Variants in TMEM39A observed in about 807,000 individuals in gnomAD.
TMEM39A encodes transmembrane protein 39A, also known as suppressor of SQST-1 aggregates in rpl-43 mutants.
Under a neutral mutation model 51.9 loss-of-function variants are expected in TMEM39A, and 19 were observed. That is an observed-to-expected ratio of 0.37 (90% CI 0.26 to 0.54). The LOEUF (loss-of-function observed/expected upper bound fraction) is 0.54, where lower values mean the gene tolerates loss of function less well. Ranked by LOEUF, TMEM39A falls within the 20% of genes least tolerant of loss-of-function variation. The pLI is 0.88. For missense variants in TMEM39A, 433 were observed against 590.5 expected, an observed-to-expected ratio of 0.73 and a Z score of 2.76; for synonymous variants, 197 against 220.2, an observed-to-expected ratio of 0.89 and a Z score of 0.93.
At chr3:119,436,516 GA>G in intron 7 of TMEM39A, 1 of 302,048 alleles carries the variant, frequency 3.3e-6, no homozygotes, top group Non-Finnish European at 6.2e-6. Flanking sequence ...GGGTAAGATT[GA>G]AAGAGAACGC....
rs968601490 is a variant in TMEM39A, at chr3:119,463,266, C to T, written c.-75+70G>A. On this transcript the variant is annotated intron_variant, in intron 1 of 8. Transcript: ENST00000319172. Reference sequence around the variant, plus strand: ...GCAGAAAGGTAGACAAAGCAGTCTCCGCCGCACACCCAAGAGGGCCGAGGC... The same window carrying T: ...GCAGAAAGGTAGACAAAGCAGTCTCTGCCGCACACCCAAGAGGGCCGAGGC... 11 of 271,856 alleles carry T rather than the reference C, an allele frequency of 4.0e-5. No individual in the cohort carries two copies. The East Asian group carries it at 5.8e-4, about 14-fold the overall frequency. 16.8% of individuals were successfully genotyped at this position (271,856 alleles called of 1,614,324 possible). A position where few individuals can be genotyped will look rare whatever the true frequency, so the allele number is the denominator to read the frequency against.
At chr3:119,454,333 CCTCT>C (rs1560019115) in intron 3 of TMEM39A, among the ~76,000 whole-genome samples, 2 of 152,060 alleles carry the variant, frequency 1.3e-5, no homozygotes, top group Admixed American at 6.5e-5. Flanking sequence ...TCCTTTTCTC[CCTCT>C]CTAAGTATAA....
At position 119,463,589 on chromosome 3, in the gene TMEM39A, T is replaced by G. The variant is rs1390352695; in HGVS notation, c.-328A>C. ...CCAGAGCCTGATACTTCAGCACCCA[T>G]CCCTAGCCTCCATTACCGCGGAGCT... On this transcript the variant is annotated 5_prime_UTR_variant, in exon 1 of 9. An upstream start codon of the reference 5' UTR is lost. Transcript: ENST00000319172. The G allele has an allele frequency of 2.5e-6, 1 of 398,714 alleles. No homozygotes were observed. Among genetic ancestry groups the G allele is most frequent in the East Asian group, 3.6e-5 (1 of 28,072 alleles). The allele number at this position is 398,714 out of a possible 1,614,324, so 24.7% of individuals were successfully genotyped here. A position where few individuals can be genotyped will look rare whatever the true frequency, so the allele number is the denominator to read the frequency against.
At chr3:119,453,091 G>A (rs778812102) in intron 3 of TMEM39A, among the ~76,000 whole-genome samples, 32 of 152,250 alleles carry the variant, frequency 2.1e-4, no homozygotes, top group Non-Finnish European at 3.5e-4. Flanking sequence ...GCTGTCTACA[G>A]TTCCTTCTAG....
At chr3:119,452,852 T>C (rs1241234196) in intron 3 of TMEM39A, among the ~76,000 whole-genome samples, 2 of 152,214 alleles carry the variant, frequency 1.3e-5, no homozygotes, top group African/African-American at 4.8e-5. Flanking sequence ...GCAAGAATAA[T>C]TTATATAAAA....
At chr3:119,456,241 G>A (rs1339403463) in intron 3 of TMEM39A, among the ~76,000 whole-genome samples, 2 of 151,942 alleles carry the variant, frequency 1.3e-5, no homozygotes, top group Non-Finnish European at 2.9e-5. Flanking sequence ...GGCCAAAAAG[G>A]ATGAATGAAG....
intron 5 of TMEM39A, among the ~76,000 whole-genome samples, chr3:119,440,057 C>T (rs184423851): frequency 9.0e-4 from 137 of 152,158 alleles, no homozygotes; most frequent in African/African-American, 3.2e-3. Flanking sequence ...TGTAAGCCAC[C>T]GCACCCAGAC....
At position 119,462,590 on chromosome 3, in the gene TMEM39A, A is replaced by G. The variant is rs958836812; in HGVS notation, c.-74-442T>C. Among the ~76,000 whole-genome samples the G allele has an allele frequency of 5.0e-5, 6 of 118,862 alleles. No individual in the cohort carries two copies. The East Asian group carries it at 1.6e-3, about 32-fold the overall frequency. The allele number at this position is 118,862 out of a possible 152,430, so 78.0% of individuals were successfully genotyped here. On this transcript the variant is annotated intron_variant, in intron 1 of 8. Transcript: ENST00000319172. ...TCACATATTATCTGACCTTATCCGG[A>G]TAAGTTAACTTCTGAGTGTGTTCTT...
chr3:119,437,074 C>T, intron 6 of TMEM39A, 96 bp from the exon 7 acceptor site: 2 of 1,131,032 alleles, frequency 1.8e-6, no homozygotes, highest in Non-Finnish European at 2.5e-6. Context: ...AAATGCCACA[C>T]TGAGTCACAC....
At chr3:119,433,741 T>C (rs1267491763) in intron 8 of TMEM39A, among the ~76,000 whole-genome samples, 1 of 152,198 alleles carries the variant, frequency 6.6e-6, no homozygotes, top group Admixed American at 6.5e-5. Context: ...TCCTCCACCT[T>C]AAGGCATTTC....
chr3:119,460,625 G>A (rs1285364230), intron 2 of TMEM39A, among the ~76,000 whole-genome samples: 2 of 152,130 alleles, frequency 1.3e-5, no homozygotes, highest in Non-Finnish European at 1.5e-5. Context: ...AGACACTGAA[G>A]AGGGATTTCA....
Position 119,437,854 on chromosome 3 carries a change from T to C in TMEM39A, c.825A>G (p.Glu275=), listed in dbSNP as rs769779429. The C allele has an allele frequency of 6.2e-7, 1 of 1,611,832 alleles. No individual in the cohort carries two copies. The highest frequency in any genetic ancestry group is 8.5e-7 in the Non-Finnish European group (1 of 1,178,056). Reference sequence around the variant, plus strand: ...TGTGGTTGAAATCTGCTTTCAGACATTCTACTTCATTGCGAATGAGGTCTG... The same window carrying C: ...TGTGGTTGAAATCTGCTTTCAGACACTCTACTTCATTGCGAATGAGGTCTG... ...LSPDLIRNEV[E]CLKADFNHRI... is the part of the protein sequence containing the mutation. Residue 275 remains glutamate (E), a synonymous_variant, in exon 6 of 9, where the codon GAA becomes GAG. Transcript: ENST00000319172.
chr3:119,455,752 T>C (rs1426889307), intron 3 of TMEM39A, among the ~76,000 whole-genome samples: 1 of 152,192 alleles, frequency 6.6e-6, no homozygotes, highest in Non-Finnish European at 1.5e-5. Context: ...TAGTCAGATA[T>C]GTTAGATTGG....
intron 5 of TMEM39A, among the ~76,000 whole-genome samples, chr3:119,438,879 G>T (rs190764812): frequency 6.6e-6 from 1 of 151,934 alleles, no homozygotes; most frequent in African/African-American, 2.4e-5. Context: ...ATGTTTATTC[G>T]ATTTTTAACT....
chr3:119,458,955 T>C (rs1192231461), intron 2 of TMEM39A, among the ~76,000 whole-genome samples: 4 of 152,168 alleles, frequency 2.6e-5, no homozygotes, highest in African/African-American at 7.2e-5. Flanking sequence ...AGAACCCATA[T>C]AAATTCTCTA....
intron 5 of TMEM39A, 140 bp from the exon 6 acceptor site, chr3:119,438,243 C>T (rs1032112092): frequency 1.6e-5 from 9 of 545,826 alleles, no homozygotes; most frequent in Non-Finnish European, 2.8e-5. Flanking sequence ...AGGGACATTG[C>T]TGATAGTAAA....
At position 119,458,052 on chromosome 3, in the gene TMEM39A, T is replaced by C. The variant is rs771504744; in HGVS notation, c.302A>G (p.Tyr101Cys). 5 of 1,614,094 alleles carry C rather than the reference T, an allele frequency of 3.1e-6. No individual in the cohort carries two copies. The highest frequency in any genetic ancestry group is 1.7e-6 in the Non-Finnish European group (2 of 1,179,986). ...YINIYKTVWWYPYNHPASCTS... is the reference protein window; with the variant it reads ...YINIYKTVWWCPYNHPASCTS... ...ACAAGAAGCAGGATGATTGTAAGGA[T>C]ACCACCACACTGTTTTATAAATGTT... is the stretch of plus-strand genomic sequence containing the variant. Residue 101 changes from tyrosine (Y) to cysteine (C), a missense_variant, in exon 3 of 9, where the codon TAT becomes TGT. Coordinates refer to ENST00000319172, the MANE Select transcript of TMEM39A (RefSeq NM_018266.3).
intron 3 of TMEM39A, 145 bp downstream of exon 3, chr3:119,457,873 T>G: frequency 1.8e-6 from 1 of 559,934 alleles, no homozygotes; most frequent in Non-Finnish European, 3.1e-6. Context: ...TCATGAAATT[T>G]TATTTCTGAA....
At chr3:119,445,129 G>A (rs1172823147) in intron 5 of TMEM39A, among the ~76,000 whole-genome samples, 2 of 152,044 alleles carry the variant, frequency 1.3e-5, no homozygotes, top group African/African-American at 2.4e-5. Context: ...TGATGGGAAA[G>A]TGGCATGACA....
Sources: gnomAD v4.1 joint callset for allele counts (sites outside exome capture counted in the v4.1 genomes callset) on GRCh38, gnomAD v4.1.1 for gene constraint, MANE v1.5 for transcripts, NCBI Gene and HGNC (gene_info 2026-07-23, HGNC 2026-07-21) for gene names.